The following ARID3A variants were observed in gnomAD, a reference collection of about 807,000 sequenced individuals.
ARID3A encodes AT-rich interaction domain 3A, also known as AT-rich interactive domain-containing protein 3A.
Under a neutral mutation model 52.7 loss-of-function variants are expected in ARID3A, and 11 were observed. That is an observed-to-expected ratio of 0.21 (90% CI 0.13 to 0.35). The LOEUF is 0.35. ARID3A is among the 10% of genes least tolerant of loss of function. The pLI is 1.00. For missense variants in ARID3A, 721 were observed against 838.5 expected, an observed-to-expected ratio of 0.86 and a Z score of 1.73; for synonymous variants, 404 against 359.4, an observed-to-expected ratio of 1.12 and a Z score of -1.40.
At position 959,049 on chromosome 19, in the gene ARID3A, T is replaced by G. The variant is rs2037985378; in HGVS notation, c.694-1043T>G. On this transcript the variant is annotated intron_variant, in intron 3 of 8. Coordinates refer to ENST00000263620, the MANE Select transcript of ARID3A (RefSeq NM_005224.3). This position sits in a 1 kb window ranked among gnomAD's most constrained non-coding sequence, Gnocchi z 5.0. ...GCTGGGCTGTGCCTGTGCCTGGGTG[T>G]GTGGGAGGCTCCACCCGTGAGGTGT... Among the ~76,000 whole-genome samples the G allele has an allele frequency of 6.6e-6, 1 of 152,172 alleles. No homozygotes were observed. Among genetic ancestry groups the G allele is most frequent in the South Asian group, 2.1e-4 (1 of 4,832 alleles).
Position 938,042 on chromosome 19 carries a change from C to T in ARID3A, c.693+5300C>T, listed in dbSNP as rs1185650443. On this transcript the variant is annotated intron_variant, in intron 3 of 8. Coordinates refer to ENST00000263620, the MANE Select transcript of ARID3A (RefSeq NM_005224.3). This position sits in a 1 kb window ranked among gnomAD's most constrained non-coding sequence, Gnocchi z 4.0. The stretch of plus-strand genomic sequence containing the variant: ...TATTTTTAGTAGAGACGGGGTTTCA[C>T]CGTGTTGGGCAGGGTGGTCTTGAAC... Among the ~76,000 whole-genome samples the T allele has an allele frequency of 6.6e-6, 1 of 151,830 alleles. No individual in the cohort carries two copies. Among genetic ancestry groups the T allele is most frequent in the Non-Finnish European group, 1.5e-5 (1 of 67,984 alleles).
chr19:929,256 C>T lies in ARID3A; in HGVS notation c.-267-6C>T, dbSNP rs948976317. On this transcript the variant is annotated splice_region_variant and splice_polypyrimidine_tract_variant and intron_variant, in intron 1 of 8. Transcript: ENST00000263620. The surrounding 1 kb of genome is among the most constrained non-coding windows in gnomAD (Gnocchi z 6.2). ...CTGCTCTGACTGTGCCTTTTTTCCC[C>T]CTCAGGTTTCTGCAAATGCGTGAAT... 14 of 242,478 alleles carry T rather than the reference C, an allele frequency of 5.8e-5. No homozygotes were observed. Among genetic ancestry groups the T allele is most frequent in the African/African-American group, 3.2e-4 (14 of 43,358 alleles). The allele number at this position is 242,478 out of a possible 1,614,324, so 15.0% of individuals were successfully genotyped here.
chr19:958,675 C>T (rs543575189), intron 3 of ARID3A, among the ~76,000 whole-genome samples: 9 of 152,056 alleles, frequency 5.9e-5, no homozygotes, highest in Non-Finnish European at 1.0e-4. Context: ...GGGCGGATCA[C>T]GAGGTCAGGA....
intron 3 of ARID3A, among the ~76,000 whole-genome samples, chr19:934,083 A>C (rs955478670): frequency 6.6e-6 from 1 of 152,180 alleles, no homozygotes; most frequent in African/African-American, 2.4e-5. Context: ...CAATTAATTT[A>C]ACATTCACCC....
At chr19:928,348 C>T (rs1029251458) in intron 1 of ARID3A, 5 of 152,056 alleles carry the variant, frequency 3.3e-5, no homozygotes, top group Non-Finnish European at 5.9e-5. Flanking sequence ...ACCCAGGCCC[C>T]AGGAGTCTCT....
chr19:974,580 C>G lies in ARID3A; in HGVS notation c.*2515C>G, dbSNP rs1339348229. 1 of 230,078 alleles carries G rather than the reference C, an allele frequency of 4.3e-6. No homozygotes were observed. Among genetic ancestry groups the G allele is most frequent in the Non-Finnish European group, 8.6e-6 (1 of 116,196 alleles). 14.3% of individuals were successfully genotyped at this position (230,078 alleles called of 1,614,324 possible). Reference sequence around the variant, plus strand: ...ATCTGAGCCCCTGGGGTGCCTCTCCCCCGCCTCCCGTGCACCAGGGTCTGC... The same window carrying G: ...ATCTGAGCCCCTGGGGTGCCTCTCCGCCGCCTCCCGTGCACCAGGGTCTGC... On this transcript the variant is annotated 3_prime_UTR_variant, in exon 9 of 9. Transcript: ENST00000263620.
Position 944,614 on chromosome 19 carries a change from T to A in ARID3A, c.693+11872T>A, listed in dbSNP as rs536671858. Among the ~76,000 whole-genome samples the A allele has an allele frequency of 2.6e-4, 39 of 152,076 alleles. No homozygotes were observed. Among genetic ancestry groups the A allele is most frequent in the Non-Finnish European group, 5.6e-4 (38 of 67,996 alleles). On this transcript the variant is annotated intron_variant, in intron 3 of 8. Coordinates refer to ENST00000263620, the MANE Select transcript of ARID3A (RefSeq NM_005224.3). The surrounding 1 kb of genome is among the most constrained non-coding windows in gnomAD (Gnocchi z 5.9). ...CGACTGCCAGCCTGGCTGAACCTCCTTCATTGTCTGGTTTTCGGGGGTGGA... is the reference window on the plus strand; with the variant it reads ...CGACTGCCAGCCTGGCTGAACCTCCATCATTGTCTGGTTTTCGGGGGTGGA...
Position 963,117 on chromosome 19 carries a change from C to T in ARID3A, c.767-1131C>T, listed in dbSNP as rs111589407. 3.0e-3 allele frequency among the ~76,000 whole-genome samples: 453 copies of T among 152,246 alleles called. 4 individuals carry two copies. The highest frequency in any genetic ancestry group is 0.01 in the African/African-American group (436 of 41,542). ...CGGGGGTTCCGGGGGTAGCAGGCCT[C>T]GACCAGGCAGAGGGCCGGCTGCTCA... On this transcript the variant is annotated intron_variant, in intron 4 of 8. Transcript: ENST00000263620.
At chr19:971,464 G>T (rs1020134916) in intron 8 of ARID3A, among the ~76,000 whole-genome samples, 2 of 152,090 alleles carry the variant, frequency 1.3e-5, no homozygotes, top group Non-Finnish European at 2.9e-5. Flanking sequence ...ATAAAAAATT[G>T]GCTGGTGTAG....
rs1380021921 is a variant in ARID3A at position 964,111 on chromosome 19, G to A, written c.767-137G>A. 2 of 680,694 alleles carry A rather than the reference G, an allele frequency of 2.9e-6. No individual in the cohort carries two copies. The highest frequency in any genetic ancestry group is 2.8e-5 in the East Asian group (1 of 36,294). 42.2% of individuals were successfully genotyped at this position (680,694 alleles called of 1,614,324 possible). ...ATCCTGCACCCACAGAGGGCCCTGG[G>A]CAATGTCTGGAGACATCTGTGGTTG... On this transcript the variant is annotated intron_variant, in intron 4 of 8. Transcript: ENST00000263620. The surrounding 1 kb of genome is among the most constrained non-coding windows in gnomAD (Gnocchi z 5.7).
At chr19:970,492 GT>G (rs1332613661) in intron 8 of ARID3A, among the ~76,000 whole-genome samples, 6 of 124,256 alleles carry the variant, frequency 4.8e-5, no homozygotes, top group Admixed American at 1.7e-4. Flanking sequence ...TAAATGAATA[GT>G]TTTTCTTTTT....
chr19:962,232 A>T (rs919216787), intron 4 of ARID3A, among the ~76,000 whole-genome samples: 8 of 150,694 alleles, frequency 5.3e-5, no homozygotes, highest in African/African-American at 1.7e-4. Flanking sequence ...GAGAGAAATA[A>T]TTTTTTTTTT....
chr19:930,979 G>A (rs747187017), intron 2 of ARID3A, among the ~76,000 whole-genome samples: 5 of 152,058 alleles, frequency 3.3e-5, no homozygotes, highest in Non-Finnish European at 5.9e-5. Flanking sequence ...CCAGGAACCC[G>A]CATCTTCCTG....
intron 3 of ARID3A, among the ~76,000 whole-genome samples, chr19:954,939 C>T (rs892815923): frequency 2.6e-5 from 4 of 152,162 alleles, no homozygotes; most frequent in Non-Finnish European, 4.4e-5. Context: ...GAGTGCGGGC[C>T]GCTTATCTCG....
At chr19:953,137 G>C (rs546279472) in intron 3 of ARID3A, among the ~76,000 whole-genome samples, 2 of 151,984 alleles carry the variant, frequency 1.3e-5, no homozygotes, top group Non-Finnish European at 2.9e-5. Flanking sequence ...CCTGGTTCTA[G>C]GGGTGGTCCG....
chr19:943,040 G>A (rs997942327), intron 3 of ARID3A, among the ~76,000 whole-genome samples: 4 of 152,198 alleles, frequency 2.6e-5, no homozygotes, highest in South Asian at 2.1e-4. Flanking sequence ...AGGCCAAGAC[G>A]GGAGTTTCGC....
intron 3 of ARID3A, among the ~76,000 whole-genome samples, chr19:936,778 T>G (rs1599388659): frequency 6.6e-6 from 1 of 151,692 alleles, no homozygotes; most frequent in Admixed American, 6.6e-5. Context: ...GAAGCAGAGG[T>G]TACAGTGAGC....
rs1386430591 is a variant in ARID3A at position 964,313 on chromosome 19, C to T, written c.832C>T (p.Leu278=). ...QVLDLFMLYV[L]VTEKGGLVEV... is the part of the protein sequence containing the mutation. ...CCTTGACCTGTTCATGCTGTACGTG[C>T]TGGTGACGGAGAAGGGCGGCCTCGT... Residue 278 remains leucine (L), a synonymous_variant, in exon 5 of 9, where the codon CTG becomes TTG. Coordinates refer to ENST00000263620, the MANE Select transcript of ARID3A (RefSeq NM_005224.3). This position sits in a 1 kb window ranked among gnomAD's most constrained non-coding sequence, Gnocchi z 5.7. 6.2e-7 allele frequency: 1 copy of T among 1,614,140 alleles called. No homozygotes were observed. The highest frequency in any genetic ancestry group is 1.1e-5 in the South Asian group (1 of 91,092).
At chr19:928,719 C>T (rs1278401426) in intron 1 of ARID3A, 2 of 152,214 alleles carry the variant, frequency 1.3e-5, no homozygotes, top group Non-Finnish European at 2.9e-5. Flanking sequence ...CTGTTACCCA[C>T]ACTGTTTTGC....
Sources: allele counts gnomAD v4.1 joint callset (sites outside exome capture counted in the v4.1 genomes callset), GRCh38; gene constraint gnomAD v4.1.1; non-coding constraint Gnocchi (gnomAD v3.1); transcripts MANE v1.5; gene names NCBI Gene and HGNC (gene_info 2026-07-23, HGNC 2026-07-21).